TNIK: variants seen among roughly 807,000 people sequenced by gnomAD.
TNIK encodes the protein TRAF2 and NCK-interacting protein kinase.
In TNIK, 49 loss-of-function variants were observed where a neutral mutation model predicts 191.3. The ratio of observed to expected loss-of-function variants is 0.26; its 90% CI spans 0.20 to 0.32. The LOEUF is 0.32. Among genes scored for constraint, TNIK ranks in the 10% least tolerant of loss-of-function variants. TNIK has a pLI of 1.00. For synonymous variants in TNIK, 594 were observed against 600.9 expected (o/e 0.99, Z 0.17); for missense variants, 1,155 against 1,702.3 (o/e 0.68, Z 5.66).
At chr3:171,188,121 T>C (rs145778079) in intron 7 of TNIK, among the ~76,000 whole-genome samples, 1,558 of 152,338 alleles carry the variant, frequency 0.01, 25 homozygotes, top group African/African-American at 0.036. Context: ...GCTTTGAATG[T>C]ATTAGCAAAT....
intron 28 of TNIK, among the ~76,000 whole-genome samples, chr3:171,077,499 G>C (rs1050679115): frequency 6.6e-6 from 1 of 152,152 alleles, no homozygotes; most frequent in Non-Finnish European, 1.5e-5. Context: ...GACCAGACTA[G>C]AACAAAAAGG....
At chr3:171,343,341 A>C (rs73046823) in intron 2 of TNIK, among the ~76,000 whole-genome samples, 2,033 of 152,316 alleles carry the variant, frequency 0.013, 50 homozygotes, top group African/African-American at 0.047. Flanking sequence ...CAATAAAATG[A>C]GACTAAACTA....
chr3:171,421,642 C>A (rs1723809962), intron 1 of TNIK, among the ~76,000 whole-genome samples: 1 of 151,862 alleles, frequency 6.6e-6, no homozygotes, highest in Non-Finnish European at 1.5e-5. Flanking sequence ...AAGATGCTAA[C>A]CTCGGAGCCA....
At chr3:171,125,280 G>T (rs1179262517) in intron 17 of TNIK, among the ~76,000 whole-genome samples, 2 of 152,134 alleles carry the variant, frequency 1.3e-5, no homozygotes, top group East Asian at 3.9e-4. Flanking sequence ...AACATTTCTT[G>T]GAATGAGTAA....
At chr3:171,310,138 C>T (rs919556312) in intron 2 of TNIK, among the ~76,000 whole-genome samples, 1 of 151,912 alleles carries the variant, frequency 6.6e-6, no homozygotes, top group Non-Finnish European at 1.5e-5. Flanking sequence ...TTGAAATGAT[C>T]CATGATAAAA....
chr3:171,442,793 T>C (rs908713241), intron 1 of TNIK, among the ~76,000 whole-genome samples: 14 of 152,160 alleles, frequency 9.2e-5, no homozygotes, highest in Admixed American at 7.9e-4. Flanking sequence ...AAAACTAAGA[T>C]TGGTTTACCA....
chr3:171,142,439 C>T (rs1730970770), intron 12 of TNIK, among the ~76,000 whole-genome samples: 1 of 152,188 alleles, frequency 6.6e-6, no homozygotes, highest in Non-Finnish European at 1.5e-5. Flanking sequence ...GGTTGCTGGT[C>T]ATTCTAATAG....
intron 1 of TNIK, among the ~76,000 whole-genome samples, chr3:171,443,222 C>A (rs1727051792): frequency 6.6e-6 from 1 of 152,180 alleles, no homozygotes; most frequent in African/African-American, 2.4e-5. Flanking sequence ...AAGACACCAG[C>A]AACAGAACCA....
chr3:171,112,972 T>TG (rs905341524), intron 18 of TNIK, among the ~76,000 whole-genome samples: 15 of 152,240 alleles, frequency 9.9e-5, no homozygotes, highest in African/African-American at 3.6e-4. Flanking sequence ...GGCCTAAGTT[T>TG]GGGGTGTGTG....
chr3:171,323,701 G>T (rs1224954118), intron 2 of TNIK, among the ~76,000 whole-genome samples: 39 of 152,258 alleles, frequency 2.6e-4, no homozygotes, highest in African/African-American at 7.5e-4. Context: ...TCATCAGATT[G>T]AAAATTCTTT....
chr3:171,295,605 T>C (rs1303163115), intron 2 of TNIK, among the ~76,000 whole-genome samples: 1 of 152,244 alleles, frequency 6.6e-6, no homozygotes, highest in Non-Finnish European at 1.5e-5. Flanking sequence ...TTCAATTAGG[T>C]AACTTGAAAA....
chr3:171,179,079 C>T (rs950214799), intron 7 of TNIK, among the ~76,000 whole-genome samples: 1 of 152,104 alleles, frequency 6.6e-6, no homozygotes, highest in African/African-American at 2.4e-5. Context: ...CATGTGTAAC[C>T]TCACACTAGG....
intron 1 of TNIK, among the ~76,000 whole-genome samples, chr3:171,390,310 C>G (rs1253320738): frequency 1.3e-5 from 2 of 152,196 alleles, no homozygotes; most frequent in South Asian, 2.1e-4. Context: ...AACCTTCACT[C>G]AGTGTTAATT....
chr3:171,203,418 G>T (rs1249081639), intron 4 of TNIK, among the ~76,000 whole-genome samples: 3 of 152,214 alleles, frequency 2.0e-5, no homozygotes, highest in African/African-American at 7.2e-5. Context: ...GAAGACAACA[G>T]GGGATGTTGG....
rs757725594 is a variant in TNIK at position 171,126,106 on chromosome 3, C to T, written c.1819G>A (p.Ala607Thr). ...AVKSQGPALT[A>T]SQSVHEQPTK... is the part of the protein sequence containing the mutation. Reference sequence around the variant, plus strand: ...GGCTGCTCGTGCACTGACTGGGAGGCGGTCAAGGCAGGTCCCTGGGATTTT... The same window carrying T: ...GGCTGCTCGTGCACTGACTGGGAGGTGGTCAAGGCAGGTCCCTGGGATTTT... The change falls in exon 17 of 33, where the codon GCC (alanine) becomes ACC (threonine). Residue 607 changes from alanine (A) to threonine (T), a missense_variant. This residue lies in a region of TNIK where 735 missense variants were observed against 848.0 expected (regional missense o/e 0.87). Transcript: ENST00000436636. 1.4e-5 allele frequency: 22 copies of T among 1,583,112 alleles called. No homozygotes were observed. Among genetic ancestry groups the T allele is most frequent in the South Asian group, 2.3e-5 (2 of 85,916 alleles).
chr3:171,445,936 T>C (rs1727439210), intron 1 of TNIK, among the ~76,000 whole-genome samples: 1 of 152,212 alleles, frequency 6.6e-6, no homozygotes, highest in Non-Finnish European at 1.5e-5. Context: ...AGCTTATTTA[T>C]GTTATTCGTG....
At chr3:171,103,813 A>C (rs544976549) in intron 21 of TNIK, among the ~76,000 whole-genome samples, 5 of 152,198 alleles carry the variant, frequency 3.3e-5, no homozygotes, top group African/African-American at 1.2e-4. Context: ...CCAGAGGTTT[A>C]TTTTCCTTTT....
chr3:171,083,868 A>G (rs946321801), intron 26 of TNIK, among the ~76,000 whole-genome samples: 3 of 152,180 alleles, frequency 2.0e-5, no homozygotes, highest in African/African-American at 4.8e-5. Context: ...CACTCAATGT[A>G]TTCAGTGGTA....
chr3:171,274,836 G>A lies in TNIK; in HGVS notation c.124-46615C>T, dbSNP rs192958570. ...GCCTCTTTCTAAAAGAGACAAAATG[G>A]AAGGGTGATAATTAATGAAACAGGG... is the stretch of plus-strand genomic sequence containing the variant. On this transcript the variant is annotated intron_variant, in intron 2 of 32. Coordinates refer to ENST00000436636, the MANE Select transcript of TNIK (RefSeq NM_015028.4). 1.5e-3 allele frequency among the ~76,000 whole-genome samples: 226 copies of A among 152,286 alleles called. 3 individuals are homozygous for A. Among genetic ancestry groups the A allele is most frequent in the Admixed American group, 0.015 (224 of 15,302 alleles).
Sources: allele counts gnomAD v4.1 joint callset (sites outside exome capture counted in the v4.1 genomes callset), GRCh38; gene constraint gnomAD v4.1.1; regional missense constraint gnomAD v4.1.1; transcripts MANE v1.5; gene names NCBI Gene and HGNC (gene_info 2026-07-23, HGNC 2026-07-21).